GART: variants seen among roughly 807,000 people sequenced by gnomAD.
GART encodes trifunctional purine biosynthetic protein adenosine-3.
In GART, 43 loss-of-function variants were observed where a neutral mutation model predicts 107.2. The ratio of observed to expected loss-of-function variants is 0.40; its 90% CI spans 0.31 to 0.52. The LOEUF (loss-of-function observed/expected upper bound fraction) is 0.52, where lower values mean the gene tolerates loss of function less well. GART is among the 20% of genes least tolerant of loss of function. GART has a pLI of 0.52. For missense variants in GART, 1,107 were observed against 1,206.5 expected (o/e 0.92, Z 1.22); for synonymous variants, 434 against 427.0 (o/e 1.02, Z -0.20).
intron 14 of GART, among the ~76,000 whole-genome samples, chr21:33,519,752 C>T (rs1402477913): frequency 6.6e-6 from 1 of 151,536 alleles, no homozygotes. Context: ...CCCTTGAACC[C>T]AGGAGGTCAA....
At position 33,511,279 on chromosome 21, in the gene GART, T is replaced by C; in HGVS notation, c.2287A>G (p.Ile763Val). ...IQQHKEEAWV[I>V]GSVVARAEGS... ...TCAGCTCGTGCAACCACACTGCCAATCACCCAGGCTTCTTCCTTGTGCTGC... is the reference window on the plus strand; with the variant it reads ...TCAGCTCGTGCAACCACACTGCCAACCACCCAGGCTTCTTCCTTGTGCTGC... Residue 763 changes from isoleucine to valine, a missense_variant, in exon 17 of 22, where the codon ATT becomes GTT. Physicochemically the swap from Ile to Val is conservative, Grantham distance 29 (BLOSUM62 3). Coordinates refer to ENST00000381815, the MANE Select transcript of GART (RefSeq NM_000819.5). 6.2e-7 allele frequency: 1 copy of C among 1,614,200 alleles called. No homozygotes were observed. The highest frequency in any genetic ancestry group is 1.1e-5 in the South Asian group (1 of 91,088).
At chr21:33,510,173 T>C in intron 17 of GART, 1 of 361,910 alleles carries the variant, frequency 2.8e-6, no homozygotes, top group Non-Finnish European at 5.0e-6. Context: ...GCACGGTGGA[T>C]ATATATGACT....
At position 33,516,999 on chromosome 21, in the gene GART, C is replaced by G; in HGVS notation, c.2097G>C (p.Gly699=). 1 of 1,597,592 alleles carries G rather than the reference C, an allele frequency of 6.3e-7. No individual in the cohort carries two copies. The highest frequency in any genetic ancestry group is 8.5e-7 in the Non-Finnish European group (1 of 1,175,816). Residue 699 remains glycine (G), a synonymous_variant, in exon 16 of 22, where the codon GGG becomes GGC. Coordinates refer to ENST00000381815, the MANE Select transcript of GART (RefSeq NM_000819.5). The part of the protein sequence containing the change: ...NIPRVLPEKL[G]VDLDAQTWRI... ...TTTTAGTGATCTTACCTAAATCTACCCCAAGTTTCTCAGGGAGGACTCTGG... is the reference window on the plus strand; with the variant it reads ...TTTTAGTGATCTTACCTAAATCTACGCCAAGTTTCTCAGGGAGGACTCTGG...
Position 33,517,358 on chromosome 21 carries a change from T to A in GART, c.1953A>T (p.Leu651Phe). The A allele has an allele frequency of 6.2e-7, 1 of 1,614,082 alleles. No homozygotes were observed. The highest frequency in any genetic ancestry group is 8.5e-7 in the Non-Finnish European group (1 of 1,180,028). Residue 651 changes from leucine (L) to phenylalanine (F), a missense_variant and splice_region_variant, in exon 15 of 22, where the codon TTA becomes TTT. By Grantham distance (22) the Leu-to-Phe change is conservative (BLOSUM62 0). Coordinates refer to ENST00000381815, the MANE Select transcript of GART (RefSeq NM_000819.5). ...CAGTTTAAACATGAGGGAGTTTACC[T>A]AAAGTCTGGTCACCACAACCATCAG... Reference protein sequence around the residue: ...PAPDGCGDQTLGDLLLTPTRI... With the variant: ...PAPDGCGDQTFGDLLLTPTRI...
At position 33,528,513 on chromosome 21, in the gene GART, A is replaced by G; in HGVS notation, c.897+6T>C. ...TACCAAGTAATACTTTGATATTTTT[A>G]CCCACTTGGCACTCTGGATCACCAA... On this transcript the variant is annotated splice_donor_region_variant and intron_variant, in intron 9 of 21. Transcript: ENST00000381815. 6.3e-7 allele frequency: 1 copy of G among 1,592,706 alleles called. No individual in the cohort carries two copies. The highest frequency in any genetic ancestry group is 8.5e-7 in the Non-Finnish European group (1 of 1,171,490).
rs749148356 is a variant in GART, at chr21:33,528,352, CACA to C, written c.898-20_898-18del. On this transcript the variant is annotated intron_variant, in intron 9 of 21. Coordinates refer to ENST00000381815, the MANE Select transcript of GART (RefSeq NM_000819.5). The stretch of plus-strand genomic sequence containing the variant: ...GAGGATTACCTGGAAAAACATAATC[CACA>C]TGGCAGGTGGGATAAATTTTAGTTT... The C allele has an allele frequency of 6.2e-7, 1 of 1,612,224 alleles. No individual in the cohort carries two copies. The highest frequency in any genetic ancestry group is 8.5e-7 in the Non-Finnish European group (1 of 1,178,756).
intron 16 of GART, among the ~76,000 whole-genome samples, chr21:33,516,308 T>A (rs1183128817): frequency 6.6e-6 from 1 of 151,922 alleles, no homozygotes; most frequent in African/African-American, 2.4e-5. Flanking sequence ...TGATAATACT[T>A]TTACATGGTT....
intron 2 of GART, 56 bp downstream of exon 2, chr21:33,539,115 A>G (rs1288203733): frequency 1.1e-5 from 17 of 1,503,192 alleles, no homozygotes; most frequent in Non-Finnish European, 1.6e-5. Flanking sequence ...TATGGTTGAC[A>G]GCATACCATT....
At position 33,528,902 on chromosome 21, in the gene GART, A is replaced by T; in HGVS notation, c.759T>A (p.Thr253=). The T allele has an allele frequency of 1.2e-5, 20 of 1,613,560 alleles. No individual in the cohort carries two copies. The highest frequency in any genetic ancestry group is 1.6e-5 in the Non-Finnish European group (19 of 1,179,494). The change falls in exon 8 of 22, where the codon ACT becomes ACA. Residue 253 remains threonine (T), a synonymous_variant. Transcript: ENST00000381815. ...SNDLLLKIKD[T]VLQRTVDGMQ... Reference sequence around the variant, plus strand: ...TGCCATCCACTGTCCTCTGAAGAACAGTATCTTTAATTTTTAGTAATAGAT... The same window carrying T: ...TGCCATCCACTGTCCTCTGAAGAACTGTATCTTTAATTTTTAGTAATAGAT...
At chr21:33,533,472 AAAAT>A (rs913601607) in intron 4 of GART, among the ~76,000 whole-genome samples, 149 of 150,582 alleles carry the variant, frequency 9.9e-4, no homozygotes, top group Middle Eastern at 3.4e-3. Flanking sequence ...AATAAAAATA[AAAAT>A]AAATAAATAA....
intron 5 of GART, chr21:33,531,888 T>C (rs1013622636): frequency 3.5e-6 from 1 of 287,496 alleles, no homozygotes; most frequent in Non-Finnish European, 6.5e-6. Context: ...TAATTATACA[T>C]GTTTGGCTGT....
intron 12 of GART, among the ~76,000 whole-genome samples, chr21:33,521,219 G>GT (rs1485648063): frequency 1.3e-5 from 2 of 152,270 alleles, no homozygotes; most frequent in Non-Finnish European, 2.9e-5. Flanking sequence ...AGATTAACAT[G>GT]TAACATGTTA....
chr21:33,535,583 T>C (rs1015921983), intron 2 of GART, among the ~76,000 whole-genome samples: 4 of 152,172 alleles, frequency 2.6e-5, no homozygotes, highest in Non-Finnish European at 1.5e-5. Flanking sequence ...CCATAAAGTA[T>C]CACCTCCATG....
intron 1 of GART, among the ~76,000 whole-genome samples, 163 bp from the exon 2 acceptor site, chr21:33,539,519 C>T (rs753184792): frequency 2.8e-4 from 42 of 151,970 alleles, no homozygotes; most frequent in Non-Finnish European, 3.5e-4. Flanking sequence ...CATGGCAAAA[C>T]CTCATCTCTA....
At position 33,539,301 on chromosome 21, in the gene GART, T is replaced by C; in HGVS notation, c.15A>G (p.Val5=). 1.2e-6 allele frequency: 2 copies of C among 1,613,222 alleles called. No individual in the cohort carries two copies. The highest frequency in any genetic ancestry group is 1.1e-5 in the South Asian group (1 of 90,948). The change falls in exon 2 of 22, where the codon GTA becomes GTG. Residue 5 remains valine (V), a synonymous_variant. Coordinates refer to ENST00000381815, the MANE Select transcript of GART (RefSeq NM_000819.5). MAAR[V]LIIGSGGREH... ...CCCTTCCTCCACTGCCAATTATAAGTACTCGGGCTGCCATTGTTCTGTCTG... is the reference window on the plus strand; with the variant it reads ...CCCTTCCTCCACTGCCAATTATAAGCACTCGGGCTGCCATTGTTCTGTCTG...
In GART at chr21:33,517,013, G is replaced by T. The variant is rs1442991484; in HGVS notation, c.2083C>A (p.Pro695Thr). ...GLLENIPRVL[P>T]EKLGVDLDAQ... is the part of the protein sequence containing the mutation. ...CCTAAATCTACCCCAAGTTTCTCAG[G>T]GAGGACTCTGGGGATGTTCTCTAGT... The change falls in exon 16 of 22, where the codon CCT becomes ACT. Residue 695 changes from proline to threonine, a missense_variant. Transcript: ENST00000381815. The T allele has an allele frequency of 6.2e-7, 1 of 1,606,766 alleles. No individual in the cohort carries two copies. Among genetic ancestry groups the T allele is most frequent in the Non-Finnish European group, 8.5e-7 (1 of 1,178,202 alleles).
At chr21:33,526,966 T>A (rs1412988690) in intron 10 of GART, among the ~76,000 whole-genome samples, 4 of 152,218 alleles carry the variant, frequency 2.6e-5, no homozygotes, top group African/African-American at 9.6e-5. Context: ...ACAAAGCCAT[T>A]TAGTGATTCT....
chr21:33,531,435 G>T, intron 6 of GART, 54 bp downstream of exon 6: 2 of 1,494,526 alleles, frequency 1.3e-6, no homozygotes, highest in Non-Finnish European at 1.8e-6. Context: ...GGGTACACAG[G>T]TCAGATGACA....
At position 33,504,419 on chromosome 21, in the gene GART, A is replaced by C. The variant is rs746664812; in HGVS notation, c.2834T>G (p.Phe945Cys). ...GVTVTGCTVH[F>C]VAEDVDAGQI... ...AGAAAAAGACATACTCACAGCTACAAAGTGTACAGTGCACCCAGTAACTGT... is the reference window on the plus strand; with the variant it reads ...AGAAAAAGACATACTCACAGCTACACAGTGTACAGTGCACCCAGTAACTGT... Residue 945 changes from phenylalanine to cysteine, a missense_variant, in exon 21 of 22, where the codon TTT (phenylalanine) becomes TGT (cysteine). Physicochemically the swap from Phe to Cys is radical, Grantham distance 205. Transcript: ENST00000381815. 3.6e-5 allele frequency: 58 copies of C among 1,613,372 alleles called. No homozygotes were observed. Among genetic ancestry groups the C allele is most frequent in the Non-Finnish European group, 4.4e-5 (52 of 1,179,412 alleles).
Sources: allele counts gnomAD v4.1 joint callset (sites outside exome capture counted in the v4.1 genomes callset), GRCh38; gene constraint gnomAD v4.1.1; transcripts MANE v1.5; gene names NCBI Gene and HGNC (gene_info 2026-07-23, HGNC 2026-07-21).